ICAM5: variants seen among roughly 807,000 people sequenced by gnomAD.
ICAM5 encodes intercellular adhesion molecule 5.
A neutral mutation model predicts 78.8 loss-of-function variants in ICAM5; 38 were observed. The observed-to-expected ratio is 0.48, with a 90% CI of 0.37 to 0.63. ICAM5 has a LOEUF of 0.63. ICAM5 is among the 30% of genes least tolerant of loss of function. ICAM5 has a pLI of 0.00. For synonymous variants in ICAM5, 544 were observed against 590.9 expected (o/e 0.92, Z 1.15); for missense variants, 1,059 against 1,303.0 (o/e 0.81, Z 2.88).
intron 4 of ICAM5, 94 bp downstream of exon 4, chr19:10,292,416 A>C (rs567415257): frequency 2.8e-6 from 4 of 1,410,214 alleles, no homozygotes; most frequent in Admixed American, 4.5e-5. Context: ...GTACCGGAAC[A>C]GGCGTGGCCC....
At position 10,295,251 on chromosome 19, in the gene ICAM5, C is replaced by T. The variant is rs568700197; in HGVS notation, c.2231-95C>T. ...GATCCTCTTCTGCCCATCAGAGGCG[C>T]GGTGGTCTCCCATCGATCGTTGTGG... On this transcript the variant is annotated intron_variant, in intron 9 of 10. Transcript: ENST00000221980. 23 of 1,344,586 alleles carry T rather than the reference C, an allele frequency of 1.7e-5. No homozygotes were observed. The South Asian group carries it at 3.2e-4, about 19-fold the overall frequency. The allele number at this position is 1,344,586 out of a possible 1,614,324, so 83.3% of individuals were successfully genotyped here.
In ICAM5 at chr19:10,292,811, C is replaced by T. The variant is rs1184541531; in HGVS notation, c.1161C>T (p.Leu387=). 3.1e-6 allele frequency: 5 copies of T among 1,613,376 alleles called. No homozygotes were observed. The highest frequency in any genetic ancestry group is 1.1e-5 in the South Asian group (1 of 91,080). The part of the protein sequence containing the change: ...DRRSFFCDAT[L]DVDGETLIKN... ...GCAGCTTCTTCTGCGACGCCACCCT[C>T]GATGTGGACGGGGAGACCCTGATCA... is the stretch of plus-strand genomic sequence containing the variant. Residue 387 remains leucine, a synonymous_variant, in exon 5 of 11, where the codon CTC becomes CTT. Coordinates refer to ENST00000221980, the MANE Select transcript of ICAM5 (RefSeq NM_003259.4).
In ICAM5 at chr19:10,290,218, G is replaced by A; in HGVS notation, c.82+93G>A. 1 of 954,060 alleles carries A rather than the reference G, an allele frequency of 1.0e-6. No individual in the cohort carries two copies. The highest frequency in any genetic ancestry group is 1.5e-6 in the Non-Finnish European group (1 of 669,072). 59.1% of individuals were successfully genotyped at this position (954,060 alleles called of 1,614,324 possible). A position where few individuals can be genotyped will look rare whatever the true frequency, so the allele number is the denominator to read the frequency against. ...TCCTGTCCCTCCCAGCTCTGCCCTC[G>A]CCTCGCTCCCACGCCTCTGCCCCCA... is the stretch of plus-strand genomic sequence containing the variant. On this transcript the variant is annotated intron_variant, in intron 1 of 10. Coordinates refer to ENST00000221980, the MANE Select transcript of ICAM5 (RefSeq NM_003259.4). This position sits in a 1 kb window ranked among gnomAD's most constrained non-coding sequence, Gnocchi z 5.7.
chr19:10,294,586 G>A lies in ICAM5; in HGVS notation c.2176G>A (p.Val726Met), dbSNP rs2040205688. ...AGAGGACGCGGGCACTTACCACTGT[G>A]TGGCCACCAATGCGCATGGCACGGA... Reference protein sequence around the residue: ...SREDAGTYHCVATNAHGTDSR... With the variant: ...SREDAGTYHCMATNAHGTDSR... The change falls in exon 9 of 11, where the codon GTG (valine) becomes ATG (methionine). Residue 726 changes from valine (V) to methionine (M), a missense_variant. Physicochemically the swap from Val to Met is conservative, Grantham distance 21. Transcript: ENST00000221980. This position sits in a 1 kb window ranked among gnomAD's most constrained non-coding sequence, Gnocchi z 7.7. 1.2e-6 allele frequency: 2 copies of A among 1,613,050 alleles called. No individual in the cohort carries two copies. Among genetic ancestry groups the A allele is most frequent in the Non-Finnish European group, 1.7e-6 (2 of 1,179,912 alleles).
intron 4 of ICAM5, 114 bp downstream of exon 4, chr19:10,292,436 G>A: frequency 1.5e-6 from 2 of 1,372,490 alleles, no homozygotes; most frequent in Admixed American, 2.3e-5. Context: ...CGAGGGGCGG[G>A]GCAGGTGGGG....
intron 9 of ICAM5, 147 bp from the exon 10 acceptor site, chr19:10,295,198 CG>C: frequency 2.3e-6 from 2 of 888,222 alleles, no homozygotes; most frequent in Non-Finnish European, 1.6e-6. Flanking sequence ...GCCTGATTGT[CG>C]GGGAAGGAGG....
chr19:10,291,556 G>C lies in ICAM5; in HGVS notation c.420G>C (p.Leu140=). Residue 140 remains leucine, a synonymous_variant, in exon 3 of 11, where the codon CTG becomes CTC. Transcript: ENST00000221980. ...PWQPVGENFT[L]SCRVPGAGPR... is the part of the protein sequence containing the mutation. ...AGCCGGTGGGCGAGAACTTCACCCT[G>C]AGCTGTAGGGTCCCCGGCGCCGGGC... 1 of 1,612,520 alleles carries C rather than the reference G, an allele frequency of 6.2e-7. No individual in the cohort carries two copies. The highest frequency in any genetic ancestry group is 1.3e-5 in the African/African-American group (1 of 75,044).
At position 10,294,230 on chromosome 19, in the gene ICAM5, C is replaced by G; in HGVS notation, c.1902C>G (p.Ile634Met). The G allele has an allele frequency of 6.2e-7, 1 of 1,614,038 alleles. No homozygotes were observed. Reference protein sequence around the residue: ...PPDPSPRAPRIPRVLAPGIYV... With the variant: ...PPDPSPRAPRMPRVLAPGIYV... The stretch of plus-strand genomic sequence containing the variant: ...ACCCTAGTCCCAGAGCTCCCAGAAT[C>G]CCTAGAGTCCTGGCACCCGGTATCT... Residue 634 changes from isoleucine (I) to methionine (M), a missense_variant, in exon 8 of 11, where the codon ATC becomes ATG. Around this residue, in one of 3 missense-constraint regions of ICAM5, gnomAD observed 815 missense variants for 952.8 expected, o/e 0.86. Coordinates refer to ENST00000221980, the MANE Select transcript of ICAM5 (RefSeq NM_003259.4). This position sits in a 1 kb window ranked among gnomAD's most constrained non-coding sequence, Gnocchi z 7.7.
In ICAM5 at chr19:10,296,497, G is replaced by A. The variant is rs1303364180; in HGVS notation, c.2656G>A (p.Gly886Arg). The change falls in exon 11 of 11, where the codon GGA becomes AGA. Residue 886 changes from glycine to arginine, a missense_variant. Gly to Arg is a moderately radical substitution (Grantham distance 125). Transcript: ENST00000221980. Reference protein sequence around the residue: ...ESSGEAVCLNGAGGGAGGAAG... With the variant: ...ESSGEAVCLNRAGGGAGGAAG... ...CTCAGGCGAGGCCGTGTGTCTGAAC[G>A]GAGCGGGCGGCGGCGCTGGCGGGGC... 2.4e-6 allele frequency: 3 copies of A among 1,241,102 alleles called. No individual in the cohort carries two copies. Among genetic ancestry groups the A allele is most frequent in the East Asian group, 3.3e-5 (1 of 30,006 alleles). The allele number at this position is 1,241,102 out of a possible 1,614,324, so 76.9% of individuals were successfully genotyped here. A position where few individuals can be genotyped will look rare whatever the true frequency, so the allele number is the denominator to read the frequency against.
At position 10,290,362 on chromosome 19, in the gene ICAM5, AC is replaced by A. The variant is rs2040161267; in HGVS notation, c.82+240del. 2.2e-6 allele frequency: 1 copy of A among 464,954 alleles called. No homozygotes were observed. The highest frequency in any genetic ancestry group is 3.8e-6 in the Non-Finnish European group (1 of 262,536). 28.8% of individuals were successfully genotyped at this position (464,954 alleles called of 1,614,324 possible). ...GATCCTAGGTGTTCTTCCGCACCCAACCCTTCGCCCTGGAGACCCAGTGTCT... is the reference window on the plus strand; with the variant it reads ...GATCCTAGGTGTTCTTCCGCACCCAACCTTCGCCCTGGAGACCCAGTGTCT... On this transcript the variant is annotated intron_variant, in intron 1 of 10. Transcript: ENST00000221980. The surrounding 1 kb of genome is among the most constrained non-coding windows in gnomAD (Gnocchi z 5.7).
chr19:10,293,859 G>T lies in ICAM5; in HGVS notation c.1627G>T (p.Ala543Ser). The T allele has an allele frequency of 3.1e-6, 5 of 1,612,032 alleles. No homozygotes were observed. Among genetic ancestry groups the T allele is most frequent in the Non-Finnish European group, 4.2e-6 (5 of 1,179,982 alleles). The stretch of plus-strand genomic sequence containing the variant: ...CGTCATCGAGGGGCTGTTGCGTGTG[G>T]CCCGGGAGCATGCGGGCACTTACCG... ...GAVIEGLLRV[A>S]REHAGTYRCE... Residue 543 changes from alanine to serine, a missense_variant, in exon 7 of 11, where the codon GCC (alanine) becomes TCC (serine). By Grantham distance (99) the Ala-to-Ser change is moderately conservative. This residue lies in a region of ICAM5 where 815 missense variants were observed against 952.8 expected (regional missense o/e 0.86). Transcript: ENST00000221980. This position sits in a 1 kb window ranked among gnomAD's most constrained non-coding sequence, Gnocchi z 5.0.
At position 10,290,126 on chromosome 19, in the gene ICAM5, G is replaced by A; in HGVS notation, c.82+1G>A. The A allele has an allele frequency of 6.6e-7, 1 of 1,522,802 alleles. No homozygotes were observed. The allele number at this position is 1,522,802 out of a possible 1,614,324, so 94.3% of individuals were successfully genotyped here. Reference sequence around the variant, plus strand: ...GGCCTGGGGCTCTTCGGCCTCTCAGGTAAGAGCCCCGCTCTGGTTCGGGGT... The same window carrying A: ...GGCCTGGGGCTCTTCGGCCTCTCAGATAAGAGCCCCGCTCTGGTTCGGGGT... On this transcript the variant is annotated splice_donor_variant, in intron 1 of 10. Transcript: ENST00000221980. LOFTEE classifies it high-confidence loss of function. The surrounding 1 kb of genome is among the most constrained non-coding windows in gnomAD (Gnocchi z 5.7).
At position 10,290,866 on chromosome 19, in the gene ICAM5, A is replaced by C. The variant is rs1415026693; in HGVS notation, c.83-206A>C. The C allele has an allele frequency of 1.6e-6, 1 of 642,664 alleles. No individual in the cohort carries two copies. The highest frequency in any genetic ancestry group is 1.8e-5 in the African/African-American group (1 of 54,442). 39.8% of individuals were successfully genotyped at this position (642,664 alleles called of 1,614,324 possible). A position where few individuals can be genotyped will look rare whatever the true frequency, so the allele number is the denominator to read the frequency against. Reference sequence around the variant, plus strand: ...TTGGAGACCATGGCTCTCTGCTACCACGTCCCAGAGACACCCTCGAGGTTT... The same window carrying C: ...TTGGAGACCATGGCTCTCTGCTACCCCGTCCCAGAGACACCCTCGAGGTTT... On this transcript the variant is annotated intron_variant, in intron 1 of 10. Transcript: ENST00000221980. The surrounding 1 kb of genome is among the most constrained non-coding windows in gnomAD (Gnocchi z 5.7).
chr19:10,291,959 T>C, intron 3 of ICAM5, 76 bp from the exon 4 acceptor site: 1 of 1,522,506 alleles, frequency 6.6e-7, no homozygotes, highest in Non-Finnish European at 9.0e-7. Context: ...GATAATACGA[T>C]AAGATAGTGC....
In ICAM5 at chr19:10,293,948, GTAGGGGCACCGCGGAGT is replaced by G; in HGVS notation, c.1711+10_1711+26del. On this transcript the variant is annotated splice_donor_region_variant and intron_variant, in intron 7 of 10. Transcript: ENST00000221980. The surrounding 1 kb of genome is among the most constrained non-coding windows in gnomAD (Gnocchi z 5.0). ...ATGTGGCCGTCACGGTGGAATGTGA[GTAGGGGCACCGCGGAGT>G]TAGGCAGGATCTGTGGGACAACCCC... 1 of 1,611,506 alleles carries G rather than the reference GTAGGGGCACCGCGGAGT, an allele frequency of 6.2e-7. No individual in the cohort carries two copies. Among genetic ancestry groups the G allele is most frequent in the South Asian group, 1.1e-5 (1 of 91,012 alleles).
chr19:10,291,625 G>A lies in ICAM5; in HGVS notation c.489G>A (p.Glu163=), dbSNP rs1281798196. The change falls in exon 3 of 11, where the codon GAG becomes GAA. Residue 163 remains glutamate (E), a synonymous_variant. Coordinates refer to ENST00000221980, the MANE Select transcript of ICAM5 (RefSeq NM_003259.4). ...LTLTLLRGAQ[E]LIRRSFAGEP... is the part of the protein sequence containing the mutation. ...TGACCCTGCTGCGGGGCGCCCAGGA[G>A]CTGATCCGCCGCAGCTTCGCCGGTG... The A allele has an allele frequency of 6.2e-7, 1 of 1,611,630 alleles. No individual in the cohort carries two copies. The highest frequency in any genetic ancestry group is 1.7e-5 in the Admixed American group (1 of 59,952).
In ICAM5 at chr19:10,291,104, C is replaced by A; in HGVS notation, c.115C>A (p.Gln39Lys). 2 of 1,611,742 alleles carry A rather than the reference C, an allele frequency of 1.2e-6. No individual in the cohort carries two copies. The highest frequency in any genetic ancestry group is 1.1e-5 in the South Asian group (1 of 90,932). ...VSQEPFWADL[Q>K]PRVAFVERGG... ...GCAGGAGCCCTTCTGGGCGGACCTGCAGCCTCGCGTGGCGTTCGTGGAGCG... is the reference window on the plus strand; with the variant it reads ...GCAGGAGCCCTTCTGGGCGGACCTGAAGCCTCGCGTGGCGTTCGTGGAGCG... The change falls in exon 2 of 11, where the codon CAG becomes AAG. Residue 39 changes from glutamine (Q) to lysine (K), a missense_variant. Physicochemically the swap from Gln to Lys is moderately conservative, Grantham distance 53. Transcript: ENST00000221980.
chr19:10,293,718 G>A lies in ICAM5; in HGVS notation c.1486G>A (p.Val496Met), dbSNP rs10418913. 4.4e-4 allele frequency: 707 copies of A among 1,613,814 alleles called. 3 individuals carry two copies. In the African/African-American group the frequency reaches 8.7e-3, roughly 20 times the overall value. ...TCCAGACGCACCAGCGCTGGACAGC[G>A]TGGGCTGCCCAGAACGCATTACTTG... ...TVEYAPALDS[V>M]GCPERITWLE... The change falls in exon 7 of 11, where the codon GTG (valine) becomes ATG (methionine). Residue 496 changes from valine (V) to methionine (M), a missense_variant. Val to Met is a conservative substitution (Grantham distance 21). Coordinates refer to ENST00000221980, the MANE Select transcript of ICAM5 (RefSeq NM_003259.4). The surrounding 1 kb of genome is among the most constrained non-coding windows in gnomAD (Gnocchi z 5.0).
At chr19:10,296,297 C>T in intron 10 of ICAM5, 42 bp from the exon 11 acceptor site, 1 of 1,227,562 alleles carries the variant, frequency 8.1e-7, no homozygotes, top group Non-Finnish European at 1.0e-6. Flanking sequence ...GGAGAAGCCC[C>T]CCGGAGCTTG....
Sources: allele counts gnomAD v4.1 joint callset, GRCh38; gene constraint gnomAD v4.1.1; regional missense constraint gnomAD v4.1.1; non-coding constraint Gnocchi (gnomAD v3.1); transcripts MANE v1.5; gene names NCBI Gene and HGNC (gene_info 2026-07-23, HGNC 2026-07-21).